DGKB: variants seen among roughly 807,000 people sequenced by gnomAD.
DGKB encodes diacylglycerol kinase beta.
In DGKB, 67 loss-of-function variants were observed where a neutral mutation model predicts 114.3. That is an observed-to-expected ratio of 0.59 (90% CI 0.48 to 0.72). The LOEUF (loss-of-function observed/expected upper bound fraction) is 0.72. DGKB is among the 30% of genes least tolerant of loss of function. The pLI is 0.00. For synonymous variants in DGKB, 398 were observed against 323.1 expected (o/e 1.23, Z -2.49); for missense variants, 907 against 975.2 (o/e 0.93, Z 0.93).
intron 13 of DGKB, among the ~76,000 whole-genome samples, chr7:14,650,103 C>G (rs1423763970): frequency 1.3e-5 from 2 of 150,682 alleles, no homozygotes; most frequent in Non-Finnish European, 3.0e-5. Context: ...AGAAAGTCAA[C>G]AAGGATACCC....
intron 2 of DGKB, chr7:14,816,434 A>G (rs1015684794): frequency 7.2e-5 from 11 of 152,190 alleles, no homozygotes; most frequent in Non-Finnish European, 2.9e-5. Context: ...ACTCTTCTCC[A>G]TGTTGAATCC....
chr7:14,712,366 A>G (rs1175022009), intron 6 of DGKB, among the ~76,000 whole-genome samples: 1 of 152,234 alleles, frequency 6.6e-6, no homozygotes, highest in Non-Finnish European at 1.5e-5. Flanking sequence ...GAACAAATGA[A>G]GAACGCAAGT....
chr7:14,776,429 C>A (rs1193093134), intron 2 of DGKB, among the ~76,000 whole-genome samples: 1 of 152,112 alleles, frequency 6.6e-6, no homozygotes, highest in South Asian at 2.1e-4. Context: ...GGCCAGGAGG[C>A]CTTGGAGGAA....
chr7:14,772,892 T>A (rs998157915), intron 2 of DGKB, among the ~76,000 whole-genome samples: 9 of 152,082 alleles, frequency 5.9e-5, no homozygotes, highest in African/African-American at 2.2e-4. Flanking sequence ...TGCTCATCCT[T>A]CCCCTTCAGC....
intron 23 of DGKB, among the ~76,000 whole-genome samples, chr7:14,295,196 C>A (rs1025336063): frequency 6.6e-5 from 10 of 152,102 alleles, no homozygotes; most frequent in Admixed American, 2.6e-4. Flanking sequence ...ACAAAATATG[C>A]AATTTTACTT....
intron 2 of DGKB, among the ~76,000 whole-genome samples, chr7:14,772,976 T>C (rs1837636432): frequency 6.6e-6 from 1 of 152,214 alleles, no homozygotes; most frequent in African/African-American, 2.4e-5. Flanking sequence ...TCTTCAATGC[T>C]TTAATCTTCA....
intron 4 of DGKB, among the ~76,000 whole-genome samples, chr7:14,744,909 CA>C: frequency 6.6e-6 from 1 of 152,206 alleles, no homozygotes. Flanking sequence ...GGCTACAACT[CA>C]GAAGAAACAA....
At chr7:14,639,599 C>A (rs1286482935) in intron 13 of DGKB, among the ~76,000 whole-genome samples, 1 of 152,196 alleles carries the variant, frequency 6.6e-6, no homozygotes, top group Non-Finnish European at 1.5e-5. Context: ...AAAGGCCAGC[C>A]TTCTTGCCTT....
chr7:14,400,384 G>A (rs1310872272), intron 21 of DGKB, among the ~76,000 whole-genome samples: 1 of 151,706 alleles, frequency 6.6e-6, no homozygotes, highest in African/African-American at 2.4e-5. Flanking sequence ...CACTAGCCAA[G>A]TACAAGTATA....
intron 2 of DGKB, among the ~76,000 whole-genome samples, chr7:14,769,285 T>A (rs1837059544): frequency 3.2e-5 from 4 of 126,960 alleles, no homozygotes; most frequent in Non-Finnish European, 5.3e-5. Flanking sequence ...AAAGAAAGAT[T>A]TTGTAAAGGA....
chr7:14,544,447 A>T (rs1051509958), intron 20 of DGKB, among the ~76,000 whole-genome samples: 138 of 152,206 alleles, frequency 9.1e-4, no homozygotes, highest in Admixed American at 4.7e-3. Flanking sequence ...TCATTCAAAT[A>T]ATGAAAAACC....
intron 20 of DGKB, among the ~76,000 whole-genome samples, chr7:14,503,547 C>A (rs1786540823): frequency 6.6e-6 from 1 of 151,940 alleles, no homozygotes; most frequent in Admixed American, 6.6e-5. Context: ...ATAATAGATT[C>A]TTATCTTTTT....
intron 2 of DGKB, among the ~76,000 whole-genome samples, chr7:14,764,029 C>G (rs1292743517): frequency 1.3e-5 from 2 of 151,880 alleles, no homozygotes; most frequent in African/African-American, 4.8e-5. Context: ...CCTTTAAAAT[C>G]TAAGCCTCCC....
At chr7:14,632,748 G>A (rs1357857) in intron 13 of DGKB, among the ~76,000 whole-genome samples, 30,056 of 151,664 alleles carry the variant, frequency 0.2, 3,521 homozygotes, top group East Asian at 0.59. Flanking sequence ...TGAGTAAATA[G>A]AGGTAAGTTT....
chr7:14,207,304 A>G (rs1182305362), intron 23 of DGKB, among the ~76,000 whole-genome samples: 2 of 152,082 alleles, frequency 1.3e-5, no homozygotes, highest in Non-Finnish European at 2.9e-5. Flanking sequence ...CTGCCAACAT[A>G]TGACCTAAGC....
intron 20 of DGKB, among the ~76,000 whole-genome samples, chr7:14,487,437 C>A (rs575903250): frequency 6.6e-6 from 1 of 152,148 alleles, no homozygotes; most frequent in African/African-American, 2.4e-5. Flanking sequence ...TGGATTAAAT[C>A]TCTGTGGACT....
Position 14,583,155 on chromosome 7 carries a change from T to C in DGKB, c.1434-18A>G, listed in dbSNP as rs750974624. The C allele has an allele frequency of 1.1e-5, 17 of 1,495,196 alleles. No individual in the cohort carries two copies. The highest frequency in any genetic ancestry group is 5.1e-5 in the Admixed American group (3 of 58,604). 92.6% of individuals were successfully genotyped at this position (1,495,196 alleles called of 1,614,324 possible). On this transcript the variant is annotated intron_variant, in intron 17 of 25. Coordinates refer to ENST00000402815, the MANE Select transcript of DGKB (RefSeq NM_001350709.2). ...AGTTTAACCTGAAAAATAAGCATGT[T>C]ATGGCACATGATTAATAGTTTAAAA...
chr7:14,806,006 A>C (rs1842752700), intron 2 of DGKB, among the ~76,000 whole-genome samples: 1 of 151,714 alleles, frequency 6.6e-6, no homozygotes, highest in Non-Finnish European at 1.5e-5. Context: ...ACGAATATTT[A>C]TATATATTCT....
rs917127908 is a variant in DGKB at position 14,537,330 on chromosome 7, T to C, written c.1770+36882A>G. On this transcript the variant is annotated intron_variant, in intron 20 of 25. Transcript: ENST00000402815. ...AATAGAAAAATAATTCTAAAATTCA[T>C]ACAGAACCACAAAAGACCACAAATA... Among the ~76,000 whole-genome samples the C allele has an allele frequency of 7.2e-5, 11 of 152,076 alleles. 1 individual carries two copies. The highest frequency in any genetic ancestry group is 1.6e-4 in the Non-Finnish European group (11 of 68,006).
Sources: allele counts gnomAD v4.1 joint callset (sites outside exome capture counted in the v4.1 genomes callset), GRCh38; gene constraint gnomAD v4.1.1; transcripts MANE v1.5; gene names NCBI Gene and HGNC (gene_info 2026-07-23, HGNC 2026-07-21).